SUPT3H: variants seen among roughly 807,000 people sequenced by gnomAD.
SUPT3H encodes the protein transcription initiation protein SPT3 homolog.
A neutral mutation model predicts 44.3 loss-of-function variants in SUPT3H; 44 were observed. The ratio of observed to expected loss-of-function variants is 0.99; its 90% CI spans 0.78 to 1.28. SUPT3H has a LOEUF of 1.28. Ranked by LOEUF, SUPT3H falls within the 50% of genes most tolerant of loss-of-function variation. The pLI, the probability that SUPT3H is intolerant of heterozygous loss-of-function variation, is 0.00. For synonymous variants in SUPT3H, 124 were observed against 125.6 expected (o/e 0.99, Z 0.09); for missense variants, 380 against 387.1 (o/e 0.98, Z 0.15).
At chr6:45,002,943 C>T (rs1782200851) in intron 6 of SUPT3H, among the ~76,000 whole-genome samples, 1 of 152,056 alleles carries the variant, frequency 6.6e-6, no homozygotes. Flanking sequence ...ATGGAGATTC[C>T]TTATATGTGA....
At chr6:45,038,359 T>C (rs765339390) in intron 3 of SUPT3H, among the ~76,000 whole-genome samples, 49 of 152,280 alleles carry the variant, frequency 3.2e-4, no homozygotes, top group Admixed American at 1.0e-3. Flanking sequence ...ATATGACAAG[T>C]TGTAAAATCA....
At chr6:45,329,768 T>C (rs2150072339) in intron 2 of SUPT3H, among the ~76,000 whole-genome samples, 1 of 152,096 alleles carries the variant, frequency 6.6e-6, no homozygotes, top group Middle Eastern at 3.4e-3. Context: ...TTGATACAGA[T>C]ATGTAAATGA....
At chr6:45,078,210 T>G (rs761757237) in intron 3 of SUPT3H, among the ~76,000 whole-genome samples, 5 of 152,234 alleles carry the variant, frequency 3.3e-5, no homozygotes, top group Non-Finnish European at 5.9e-5. Context: ...CCTTTCATGC[T>G]CTACTGTTTA....
chr6:45,028,700 G>A (rs1490998348), intron 3 of SUPT3H, among the ~76,000 whole-genome samples: 2 of 151,822 alleles, frequency 1.3e-5, no homozygotes, highest in African/African-American at 2.4e-5. Flanking sequence ...TATGAGAGAT[G>A]TCCAAACACA....
chr6:45,292,861 G>C (rs956785283), intron 2 of SUPT3H, among the ~76,000 whole-genome samples: 16 of 151,114 alleles, frequency 1.1e-4, no homozygotes, highest in African/African-American at 3.9e-4. Flanking sequence ...CCTAAGAAAT[G>C]AGATAGACAG....
At chr6:45,150,293 C>A (rs2153595510) in intron 2 of SUPT3H, among the ~76,000 whole-genome samples, 1 of 152,042 alleles carries the variant, frequency 6.6e-6, no homozygotes, top group Admixed American at 6.6e-5. Flanking sequence ...ACATATGGGT[C>A]CCTAAAAATA....
intron 10 of SUPT3H, among the ~76,000 whole-genome samples, chr6:44,902,738 C>T (rs1213860507): frequency 2.0e-5 from 3 of 152,286 alleles, no homozygotes; most frequent in East Asian, 1.9e-4. Context: ...TTCTTCTCAG[C>T]ACCACACTGC....
At chr6:45,177,091 G>A (rs745751354) in intron 2 of SUPT3H, among the ~76,000 whole-genome samples, 1 of 152,232 alleles carries the variant, frequency 6.6e-6, no homozygotes. Flanking sequence ...CTAGCTGAGA[G>A]AAGAAGGCTT....
rs924378256 is a variant in SUPT3H at position 45,054,114 on chromosome 6, T to G, written c.187-33482A>C. On this transcript the variant is annotated intron_variant, in intron 3 of 10. Transcript: ENST00000371459. Reference sequence around the variant, plus strand: ...AAAATTTATATTAAATAAATTTGCATGCCTTTCTATTGTTAATCTGTCTTT... The same window carrying G: ...AAAATTTATATTAAATAAATTTGCAGGCCTTTCTATTGTTAATCTGTCTTT... 2.6e-5 allele frequency among the ~76,000 whole-genome samples: 4 copies of G among 152,090 alleles called. No individual in the cohort carries two copies. In the East Asian group the frequency reaches 7.7e-4, roughly 29 times the overall value.
chr6:44,823,045 G>A (rs1004794500), downstream of SUPT3H, among the ~76,000 whole-genome samples: 7 of 151,042 alleles, frequency 4.6e-5, no homozygotes, highest in Non-Finnish European at 8.8e-5. Context: ...TTGAACCCGG[G>A]AGGCGGAGGT....
At chr6:45,057,215 CCTT>C (rs2153539792) in intron 3 of SUPT3H, among the ~76,000 whole-genome samples, 1 of 152,030 alleles carries the variant, frequency 6.6e-6, no homozygotes, top group Non-Finnish European at 1.5e-5. Flanking sequence ...TTTTTAAAAT[CCTT>C]CTTATTATGG....
At chr6:45,124,519 C>G (rs1171244096) in intron 2 of SUPT3H, among the ~76,000 whole-genome samples, 3 of 151,756 alleles carry the variant, frequency 2.0e-5, no homozygotes, top group Non-Finnish European at 4.4e-5. Flanking sequence ...GTGGTGCATG[C>G]CTGTAATCCC....
intron 2 of SUPT3H, among the ~76,000 whole-genome samples, chr6:45,306,068 G>A (rs1029539423): frequency 6.6e-6 from 1 of 152,242 alleles, no homozygotes; most frequent in Non-Finnish European, 1.5e-5. Flanking sequence ...CATGGCAGGT[G>A]AGGTGCCTAC....
intron 10 of SUPT3H, among the ~76,000 whole-genome samples, chr6:44,853,768 G>A (rs571951978): frequency 2.2e-4 from 34 of 152,160 alleles, no homozygotes; most frequent in African/African-American, 7.9e-4. Flanking sequence ...CAAATTATGG[G>A]AAGGTGAGGG....
At chr6:45,223,590 G>A (rs1457059026) in intron 2 of SUPT3H, among the ~76,000 whole-genome samples, 1 of 151,738 alleles carries the variant, frequency 6.6e-6, no homozygotes, top group Non-Finnish European at 1.5e-5. Flanking sequence ...ATTTAATAAT[G>A]AAATTTTTTC....
chr6:44,887,531 T>C (rs9349305), intron 10 of SUPT3H, among the ~76,000 whole-genome samples: 63,360 of 151,720 alleles, frequency 0.42, 13,606 homozygotes, highest in East Asian at 0.7. Flanking sequence ...GGGTACATAA[T>C]GAAATGAAGG....
chr6:44,980,548 C>G (rs188626010), intron 6 of SUPT3H, among the ~76,000 whole-genome samples: 233 of 152,242 alleles, frequency 1.5e-3, no homozygotes, highest in Middle Eastern at 3.4e-3. Flanking sequence ...TTTCTTTCTT[C>G]TTGTTTGGTC....
intron 2 of SUPT3H, among the ~76,000 whole-genome samples, chr6:45,186,968 C>G (rs888499207): frequency 4.6e-5 from 7 of 151,992 alleles, no homozygotes; most frequent in Admixed American, 4.6e-4. Flanking sequence ...AAACCTAGCA[C>G]TAAAAGTACA....
chr6:45,246,136 T>A (rs1771300418), intron 2 of SUPT3H, among the ~76,000 whole-genome samples: 1 of 152,124 alleles, frequency 6.6e-6, no homozygotes, highest in African/African-American at 2.4e-5. Context: ...AGTTTTTCTG[T>A]TGAGTTTTGG....
Sources: allele counts gnomAD v4.1 joint callset (sites outside exome capture counted in the v4.1 genomes callset), GRCh38; gene constraint gnomAD v4.1.1; transcripts MANE v1.5; gene names NCBI Gene and HGNC (gene_info 2026-07-23, HGNC 2026-07-21).